COG5: variants seen among roughly 807,000 people sequenced by gnomAD.
COG5 encodes conserved oligomeric Golgi complex subunit 5.
A neutral mutation model predicts 110.4 loss-of-function variants in COG5; 86 were observed. The observed-to-expected ratio is 0.78, with a 90% CI of 0.65 to 0.93. The LOEUF is 0.93. Among genes scored for constraint, COG5 ranks in the 40% least tolerant of loss-of-function variants. The pLI is 0.00. For missense variants in COG5, 1,077 were observed against 987.0 expected (o/e 1.09, Z -1.22); for synonymous variants, 360 against 334.6 (o/e 1.08, Z -0.83).
rs532030160 is a variant in COG5 at position 107,343,207 on chromosome 7, G to A, written c.1027-18686C>T. Among the ~76,000 whole-genome samples the A allele has an allele frequency of 4.9e-4, 75 of 152,146 alleles. 2 individuals are homozygous for A. In the South Asian group the frequency reaches 0.014, roughly 28 times the overall value. On this transcript the variant is annotated intron_variant, in intron 10 of 21. Transcript: ENST00000297135. ...ATGAAGATGGCAACAAGAGACACTC[G>A]GGTCTACTAGAGGAGGCAAGGAGGG... is the stretch of plus-strand genomic sequence containing the variant.
chr7:107,261,140 G>A (rs1803309625), intron 14 of COG5, among the ~76,000 whole-genome samples: 1 of 152,052 alleles, frequency 6.6e-6, no homozygotes, highest in Admixed American at 6.6e-5. Context: ...CCTGTGAATA[G>A]GGTATTTTTG....
Position 107,362,061 on chromosome 7 carries a change from T to G in COG5, c.998A>C (p.His333Pro). 6.2e-7 allele frequency: 1 copy of G among 1,608,224 alleles called. No individual in the cohort carries two copies. The highest frequency in any genetic ancestry group is 8.5e-7 in the Non-Finnish European group (1 of 1,175,374). The change falls in exon 10 of 22, where the codon CAC becomes CCC. Residue 333 changes from histidine to proline, a missense_variant. Physicochemically the swap from His to Pro is moderately conservative, Grantham distance 77. Transcript: ENST00000297135. ...AACTATTTCTTCAATGAAACAAATG[T>G]GAGAAACAGGATCTCTCTTCTTGGC... ...VLAKKRDPVS[H>P]ICFIEEIVKD... is the part of the protein sequence containing the mutation.
intron 5 of COG5, among the ~76,000 whole-genome samples, chr7:107,544,335 C>G (rs187686722): frequency 3.3e-5 from 5 of 152,294 alleles, no homozygotes; most frequent in Admixed American, 6.5e-5. Context: ...AAAGGCCGGT[C>G]CAAGTGCCAG....
At position 107,324,599 on chromosome 7, in the gene COG5, C is replaced by A. The variant is rs1001570931; in HGVS notation, c.1027-78G>T. 7.1e-5 allele frequency: 50 copies of A among 707,258 alleles called. 1 individual carries two copies. In the Admixed American group the frequency reaches 1.0e-3, roughly 14 times the overall value. The allele number at this position is 707,258 out of a possible 1,614,324, so 43.8% of individuals were successfully genotyped here. ...AGAAATCATAATGGGTAACACGTAA[C>A]CTTGAAAAGTTATTTAAAATTTAAA... On this transcript the variant is annotated intron_variant, in intron 10 of 21. Coordinates refer to ENST00000297135, the MANE Select transcript of COG5 (RefSeq NM_006348.5).
intron 6 of COG5, among the ~76,000 whole-genome samples, chr7:107,449,209 A>G (rs1245058005): frequency 6.6e-6 from 1 of 152,168 alleles, no homozygotes; most frequent in African/African-American, 2.4e-5. Flanking sequence ...GAGAATTAGG[A>G]CAAATACCTA....
chr7:107,544,348 C>T (rs1224971107), intron 5 of COG5, among the ~76,000 whole-genome samples: 2 of 152,228 alleles, frequency 1.3e-5, no homozygotes, highest in Non-Finnish European at 2.9e-5. Flanking sequence ...AGTGCCAGGT[C>T]AGCTCCCAAG....
intron 6 of COG5, among the ~76,000 whole-genome samples, chr7:107,506,580 A>G (rs942802126): frequency 1.3e-5 from 2 of 152,178 alleles, no homozygotes; most frequent in Non-Finnish European, 2.9e-5. Flanking sequence ...AACAGGTGAT[A>G]GTAAACCCCA....
At chr7:107,243,474 T>C (rs1315776468) in intron 17 of COG5, among the ~76,000 whole-genome samples, 4 of 135,914 alleles carry the variant, frequency 2.9e-5, no homozygotes, top group Admixed American at 2.5e-4. Context: ...ATCACGCCAC[T>C]GCACTCCAGC....
At chr7:107,288,913 T>TATAG (rs1805899319) in intron 12 of COG5, among the ~76,000 whole-genome samples, 1 of 5,816 alleles carries the variant, frequency 1.7e-4, no homozygotes. Flanking sequence ...CAGAGATATA[T>TATAG]ATATATATAT....
intron 3 of COG5, among the ~76,000 whole-genome samples, chr7:107,552,220 T>A (rs909610526): frequency 1.2e-4 from 18 of 152,182 alleles, no homozygotes; most frequent in Non-Finnish European, 2.2e-4. Context: ...TAGCATGTTT[T>A]CAAGATTGCC....
At chr7:107,419,379 T>A (rs1396110832) in intron 6 of COG5, among the ~76,000 whole-genome samples, 1 of 152,008 alleles carries the variant, frequency 6.6e-6, no homozygotes, top group Non-Finnish European at 1.5e-5. Flanking sequence ...AATACAATGC[T>A]TATTCCAACT....
chr7:107,230,601 G>C lies in COG5; in HGVS notation c.2168+14C>G. 1 of 1,587,528 alleles carries C rather than the reference G, an allele frequency of 6.3e-7. No homozygotes were observed. The highest frequency in any genetic ancestry group is 8.7e-7 in the Non-Finnish European group (1 of 1,155,766). ...TGGAGGATATGAATGTATGAACAAAGAATTCGGTCTTACCTGAATGATCTC... is the reference window on the plus strand; with the variant it reads ...TGGAGGATATGAATGTATGAACAAACAATTCGGTCTTACCTGAATGATCTC... On this transcript the variant is annotated intron_variant, in intron 19 of 21. Coordinates refer to ENST00000297135, the MANE Select transcript of COG5 (RefSeq NM_006348.5).
chr7:107,381,965 T>A (rs1470095327), intron 7 of COG5, among the ~76,000 whole-genome samples: 1 of 152,252 alleles, frequency 6.6e-6, no homozygotes, highest in Non-Finnish European at 1.5e-5. Context: ...TATGGCAATA[T>A]AGTTGTTTGC....
intron 6 of COG5, among the ~76,000 whole-genome samples, chr7:107,491,825 T>C (rs914260579): frequency 2.0e-5 from 3 of 152,100 alleles, no homozygotes; most frequent in East Asian, 1.9e-4. Context: ...TGAATAAATA[T>C]ATTCTTCTGT....
At chr7:107,222,204 C>A (rs555056612) in intron 19 of COG5, among the ~76,000 whole-genome samples, 10 of 151,806 alleles carry the variant, frequency 6.6e-5, no homozygotes, top group East Asian at 3.9e-4. Context: ...CCTGTCCCCC[C>A]CTTTTTTTTT....
intron 12 of COG5, among the ~76,000 whole-genome samples, chr7:107,294,997 A>G (rs191061276): frequency 6.7e-5 from 9 of 135,024 alleles, no homozygotes; most frequent in African/African-American, 8.2e-5. Context: ...ACACACATAT[A>G]CACATCTATA....
chr7:107,283,525 A>G (rs747930338), intron 13 of COG5, 46 bp downstream of exon 13: 10 of 1,508,616 alleles, frequency 6.6e-6, no homozygotes, highest in African/African-American at 1.4e-5. Flanking sequence ...TCACTAACAA[A>G]TATGGCAGTC....
chr7:107,230,872 A>AT (rs1245696554), intron 18 of COG5, among the ~76,000 whole-genome samples, 181 bp from the exon 19 acceptor site: 1 of 152,058 alleles, frequency 6.6e-6, no homozygotes, highest in East Asian at 1.9e-4. Context: ...TTTTGCATTT[A>AT]TTTACTAAGA....
intron 6 of COG5, chr7:107,473,889 C>G (rs1051564640): frequency 4.1e-6 from 2 of 484,698 alleles, no homozygotes; most frequent in South Asian, 4.6e-5. Context: ...CTTGATGGTT[C>G]TTAATTCTAC....
Sources: gnomAD v4.1 joint callset for allele counts (sites outside exome capture counted in the v4.1 genomes callset) on GRCh38, gnomAD v4.1.1 for gene constraint, MANE v1.5 for transcripts, NCBI Gene and HGNC (gene_info 2026-07-23, HGNC 2026-07-21) for gene names.